Variants in SHTN1 observed in about 807,000 individuals in gnomAD.
SHTN1 encodes shootin 1, also known as shootin-1.
In SHTN1, 42 loss-of-function variants were observed where a neutral mutation model predicts 83.1. The ratio of observed to expected loss-of-function variants is 0.51; its 90% confidence interval spans 0.39 to 0.65. SHTN1 has a LOEUF of 0.65. Among genes scored for constraint, SHTN1 ranks in the 30% least tolerant of loss-of-function variants. SHTN1 has a pLI of 0.00. For synonymous variants in SHTN1, 224 were observed against 247.7 expected, an observed-to-expected ratio of 0.90 and a Z score of 0.90; for missense variants, 622 against 737.8, an observed-to-expected ratio of 0.84 and a Z score of 1.82.
intron 1 of SHTN1, among the ~76,000 whole-genome samples, chr10:116,985,554 T>C (rs1324289313): frequency 6.6e-6 from 1 of 152,296 alleles, no homozygotes; most frequent in Non-Finnish European, 1.5e-5. Flanking sequence ...GAAGGAAGAA[T>C]GGATCTAGGT....
At chr10:116,956,911 GT>G (rs913425869) in intron 4 of SHTN1, among the ~76,000 whole-genome samples, 3 of 151,584 alleles carry the variant, frequency 2.0e-5, no homozygotes, top group African/African-American at 7.3e-5. Context: ...ATATATGAGG[GT>G]TTTTTTTGTT....
At chr10:117,054,469 G>T (rs1203398757) in intron 1 of SHTN1, among the ~76,000 whole-genome samples, 3 of 146,058 alleles carry the variant, frequency 2.1e-5, no homozygotes, top group Non-Finnish European at 3.0e-5. Context: ...GCAGTGGTGT[G>T]ATCTCGGCTC....
intron 1 of SHTN1, among the ~76,000 whole-genome samples, chr10:117,109,179 G>A (rs148097730): frequency 0.015 from 2,271 of 152,246 alleles, 28 homozygotes; most frequent in Middle Eastern, 0.027. Context: ...CCCACCCCTA[G>A]AATTTCTGAT....
chr10:116,962,060 A>C, intron 3 of SHTN1, among the ~76,000 whole-genome samples: 1 of 102,920 alleles, frequency 9.7e-6, no homozygotes, highest in African/African-American at 3.9e-5. Context: ...CTTCCACATC[A>C]CCCCCCTTCT....
chr10:116,977,624 A>C (rs1850853163), intron 2 of SHTN1, among the ~76,000 whole-genome samples: 1 of 151,640 alleles, frequency 6.6e-6, no homozygotes, highest in Admixed American at 6.6e-5. Context: ...TGGAATTAGA[A>C]ATCATGCCAA....
chr10:116,982,263 T>G (rs1851050502), intron 1 of SHTN1, among the ~76,000 whole-genome samples: 1 of 152,310 alleles, frequency 6.6e-6, no homozygotes, highest in Non-Finnish European at 1.5e-5. Context: ...ATCTTTGAAC[T>G]ATCATATTTT....
At chr10:117,044,059 T>C (rs932454789) in intron 2 of SHTN1, among the ~76,000 whole-genome samples, 8 of 152,146 alleles carry the variant, frequency 5.3e-5, no homozygotes, top group Admixed American at 3.3e-4. Context: ...AGGTTGAAAA[T>C]AGATTTTAAA....
At chr10:116,890,356 C>T (rs1210653471) in intron 16 of SHTN1, among the ~76,000 whole-genome samples, 1 of 152,134 alleles carries the variant, frequency 6.6e-6, no homozygotes, top group Non-Finnish European at 1.5e-5. Context: ...ACAGGGATCA[C>T]CATGGTGAGC....
intron 1 of SHTN1, among the ~76,000 whole-genome samples, chr10:117,075,535 A>C (rs1853139599): frequency 6.6e-6 from 1 of 152,226 alleles, no homozygotes; most frequent in South Asian, 2.1e-4. Context: ...TCTACTAGGG[A>C]ATACAAACTA....
rs545675936 is a variant in SHTN1, at chr10:117,034,727, CACAT to C, written c.-123+13714_-123+13717del. On this transcript the variant is annotated intron_variant, in intron 2 of 17. Transcript: ENST00000392901. ...TTTAAGAGAAATAAAAAAGTAATCT[CACAT>C]ACAATAGCCACAAATATAATTAAAT... Among the ~76,000 whole-genome samples the C allele has an allele frequency of 5.4e-3, 816 of 151,832 alleles. 7 individuals are homozygous for C. Among genetic ancestry groups the C allele is most frequent in the African/African-American group, 0.019 (788 of 41,456 alleles).
At position 116,980,027 on chromosome 10, in the gene SHTN1, A is replaced by G. The variant is rs541234321; in HGVS notation, c.59-719T>C. 7.2e-4 allele frequency among the ~76,000 whole-genome samples: 109 copies of G among 151,388 alleles called. 2 individuals carry two copies. In the South Asian group the frequency reaches 0.022, roughly 31 times the overall value. On this transcript the variant is annotated intron_variant, in intron 1 of 16. Coordinates refer to ENST00000355371, the MANE Select transcript of SHTN1 (RefSeq NM_001127211.3). The stretch of plus-strand genomic sequence containing the variant: ...TTTGAAAATATTATCCACTAGGTAG[A>G]GGGGAAAGTTGTGTACTTAAAATCG...
intron 1 of SHTN1, among the ~76,000 whole-genome samples, chr10:116,989,227 T>A (rs751881232): frequency 3.9e-5 from 6 of 152,222 alleles, no homozygotes; most frequent in Non-Finnish European, 7.3e-5. Context: ...TACATTAGTA[T>A]GGTGCATTTG....
chr10:117,040,254 AC>A (rs1007954279), intron 2 of SHTN1, among the ~76,000 whole-genome samples: 2 of 152,176 alleles, frequency 1.3e-5, no homozygotes, highest in African/African-American at 4.8e-5. Flanking sequence ...AGAATGGAGG[AC>A]TTACATTACC....
chr10:117,019,005 T>G (rs994929947), intron 2 of SHTN1, among the ~76,000 whole-genome samples: 3 of 152,174 alleles, frequency 2.0e-5, no homozygotes, highest in African/African-American at 7.2e-5. Context: ...ATTATACATA[T>G]AGAAAAACTA....
At chr10:117,112,127 G>A (rs879669630) in intron 1 of SHTN1, among the ~76,000 whole-genome samples, 11 of 152,038 alleles carry the variant, frequency 7.2e-5, no homozygotes, top group South Asian at 2.1e-4. Flanking sequence ...CACCATGCCC[G>A]GCTAATTTTA....
intron 2 of SHTN1, among the ~76,000 whole-genome samples, chr10:116,972,632 T>G (rs1478594259): frequency 6.6e-6 from 1 of 150,850 alleles, no homozygotes; most frequent in Non-Finnish European, 1.5e-5. Context: ...TCCTCTACCC[T>G]GCTCACGCAG....
rs567301560 is a variant in SHTN1 at position 117,097,561 on chromosome 10, G to A, written c.-189+28746C>T. Among the ~76,000 whole-genome samples, 113 of 152,270 alleles carry A rather than the reference G, an allele frequency of 7.4e-4. 2 individuals carry two copies. In the South Asian group the frequency reaches 0.022, roughly 30 times the overall value. ...ACAACTGTGGGGTTTTGGATTTTTT[G>A]ACAGAGTTCACAGATCAGCTTCATG... is the stretch of plus-strand genomic sequence containing the variant. On this transcript the variant is annotated intron_variant, in intron 1 of 17. Coordinates refer to the SHTN1 transcript ENST00000392901.
At chr10:117,057,646 ACT>A (rs1852843594) in intron 1 of SHTN1, among the ~76,000 whole-genome samples, 1 of 152,044 alleles carries the variant, frequency 6.6e-6, no homozygotes, top group Admixed American at 6.6e-5. Context: ...TTAGAAAGTG[ACT>A]CTGCATGCTC....
At chr10:116,942,453 T>TC (rs886991307) in intron 8 of SHTN1, among the ~76,000 whole-genome samples, 7 of 151,930 alleles carry the variant, frequency 4.6e-5, no homozygotes, top group Non-Finnish European at 8.8e-5. Context: ...CCTCAATTGA[T>TC]CCCCCCGCCT....
Sources: gnomAD v4.1 joint callset for allele counts (sites outside exome capture counted in the v4.1 genomes callset) on GRCh38, gnomAD v4.1.1 for gene constraint, MANE v1.5 for transcripts, NCBI Gene and HGNC (gene_info 2026-07-23, HGNC 2026-07-21) for gene names.